LRTM3: variants seen among roughly 807,000 people sequenced by gnomAD.
LRTM3 encodes leucine-rich repeat transmembrane protein 3.
the LRTM3 span, chr13:102,738,064 C>T: frequency 1.3e-6 from 2 of 1,550,186 alleles, no homozygotes; most frequent in South Asian, 1.2e-5. Flanking sequence ...TCCCTTGCTC[C>T]TCACCTTCTC....
At chr13:102,746,879 C>A in the LRTM3 span, 5 of 1,551,290 alleles carry the variant, frequency 3.2e-6, no homozygotes, top group Non-Finnish European at 4.4e-6. Flanking sequence ...AGTGCATTTG[C>A]AGTCTGTTTG....
At chr13:102,734,456 T>C in the LRTM3 span, 1 of 1,551,404 alleles carries the variant, frequency 6.4e-7, no homozygotes, top group Non-Finnish European at 8.7e-7. Flanking sequence ...ATCTTGACCT[T>C]CATGTTCCTT....
At chr13:102,749,637 T>C in the LRTM3 span, 1 of 1,551,444 alleles carries the variant, frequency 6.4e-7, no homozygotes, top group Non-Finnish European at 8.7e-7. Context: ...TCTTGTGTGC[T>C]GCTAGAAAAT....
chr13:102,742,146 C>T, the LRTM3 span: 3 of 1,550,272 alleles, frequency 1.9e-6, no homozygotes, highest in Non-Finnish European at 2.6e-6. Context: ...TCATAAACAG[C>T]CTTTAGAACT....
the LRTM3 span, chr13:102,736,926 C>A: frequency 6.4e-7 from 1 of 1,551,116 alleles, no homozygotes; most frequent in Non-Finnish European, 8.7e-7. Flanking sequence ...GATCTTGTTA[C>A]TCCTTGTTCC....
At chr13:102,737,863 G>C in the LRTM3 span, 1 of 1,549,876 alleles carries the variant, frequency 6.5e-7, no homozygotes, top group African/African-American at 1.4e-5. Context: ...ATATATAATG[G>C]GTTAGAGAAG....
At chr13:102,735,005 G>A in the LRTM3 span, 1 of 1,551,194 alleles carries the variant, frequency 6.4e-7, no homozygotes, top group Non-Finnish European at 8.7e-7. Flanking sequence ...TAGGGGAAAA[G>A]AGGGTCTTGT....
the LRTM3 span, among the ~76,000 whole-genome samples, chr13:102,756,686 AAAAAAAAAAC>A: frequency 4.3e-5 from 5 of 115,884 alleles, no homozygotes; most frequent in African/African-American, 6.7e-5. Flanking sequence ...AAAAAAAAAA[AAAAAAAAAAC>A]AAAAAAACAA....
the LRTM3 span, chr13:102,745,945 G>C: frequency 1.9e-6 from 3 of 1,551,158 alleles, no homozygotes; most frequent in Non-Finnish European, 2.6e-6. Context: ...CATCTGATTT[G>C]ACAAGCTCAT....
At chr13:102,731,354 T>G in the LRTM3 span, 62 of 1,551,290 alleles carry the variant, frequency 4.0e-5, no homozygotes, top group Non-Finnish European at 5.1e-5. Context: ...AATAGTCCCT[T>G]TTGGATAAAA....
the LRTM3 span, chr13:102,749,740 G>A: frequency 6.4e-7 from 1 of 1,551,256 alleles, no homozygotes; most frequent in Non-Finnish European, 8.7e-7. Flanking sequence ...TTATATATTG[G>A]GCTTGACTAG....
the LRTM3 span, chr13:102,741,223 C>T: frequency 2.1e-5 from 33 of 1,550,124 alleles, no homozygotes; most frequent in Non-Finnish European, 2.8e-5. Context: ...TAATATCCAA[C>T]TTTGATTGCT....
the LRTM3 span, chr13:102,741,223 C>A: frequency 9.7e-6 from 15 of 1,550,124 alleles, no homozygotes; most frequent in Non-Finnish European, 1.1e-5. Context: ...TAATATCCAA[C>A]TTTGATTGCT....
At chr13:102,741,231 GCT>G in the LRTM3 span, 45 of 1,550,164 alleles carry the variant, frequency 2.9e-5, 2 homozygotes, top group South Asian at 5.4e-4. Context: ...AACTTTGATT[GCT>G]CTTTTCCCCA....
At chr13:102,739,075 G>A in the LRTM3 span, 2 of 1,550,408 alleles carry the variant, frequency 1.3e-6, no homozygotes, top group South Asian at 1.2e-5. Flanking sequence ...TTCCTCTCAT[G>A]TATACCTCTT....
the LRTM3 span, chr13:102,745,028 G>A: frequency 1.3e-6 from 2 of 1,550,816 alleles, no homozygotes; most frequent in African/African-American, 2.7e-5. Flanking sequence ...TGTACATATT[G>A]TGCCATTTTG....
chr13:102,755,901 ATGTGTGTGTG>A, the LRTM3 span, among the ~76,000 whole-genome samples: 1 of 98,862 alleles, frequency 1.0e-5, no homozygotes, highest in East Asian at 2.8e-4. Flanking sequence ...ACACATATAT[ATGTGTGTGTG>A]TGTGTGTGTG....
the LRTM3 span, chr13:102,735,023 G>T: frequency 6.4e-7 from 1 of 1,551,076 alleles, no homozygotes; most frequent in Non-Finnish European, 8.7e-7. Flanking sequence ...TGTTAATATT[G>T]GTATGCTTTC....
the LRTM3 span, chr13:102,735,763 A>G: frequency 6.5e-7 from 1 of 1,546,034 alleles, no homozygotes; most frequent in Non-Finnish European, 8.7e-7. Context: ...ATGAATCCTG[A>G]ATCTTTAGTG....
Sources: gnomAD v4.1 joint callset for allele counts (sites outside exome capture counted in the v4.1 genomes callset) on GRCh38, gnomAD v4.1.1 for gene constraint, MANE v1.5 for transcripts, NCBI Gene and HGNC (gene_info 2026-07-23, HGNC 2026-07-21) for gene names.